Variants in HECW1 observed in about 807,000 individuals in gnomAD.
The protein encoded by HECW1 is E3 ubiquitin-protein ligase HECW1.
Under a neutral mutation model 182.3 loss-of-function variants are expected in HECW1, and 61 were observed. The ratio of observed to expected loss-of-function variants is 0.33; its 90% CI spans 0.27 to 0.41. The LOEUF is 0.41. Ranked by LOEUF, HECW1 falls within the 10% of genes least tolerant of loss-of-function variation. HECW1 has a pLI of 1.00. For missense variants in HECW1, 1,739 were observed against 2,108.9 expected, an observed-to-expected ratio of 0.82 and a Z score of 3.44; for synonymous variants, 859 against 832.6, an observed-to-expected ratio of 1.03 and a Z score of -0.55.
intron 2 of HECW1, among the ~76,000 whole-genome samples, chr7:43,177,793 A>G (rs1160892709): frequency 6.6e-6 from 1 of 151,964 alleles, no homozygotes; most frequent in Non-Finnish European, 1.5e-5. Flanking sequence ...TCCCATCTCA[A>G]TGCCTTCTCC....
At chr7:43,335,496 A>C (rs1812005242) in intron 5 of HECW1, among the ~76,000 whole-genome samples, 2 of 152,224 alleles carry the variant, frequency 1.3e-5, no homozygotes, top group African/African-American at 4.8e-5. Flanking sequence ...GCCATCTGCA[A>C]ACCAGGAAGA....
chr7:43,457,686 A>G (rs1385378098), intron 13 of HECW1, among the ~76,000 whole-genome samples: 2 of 152,026 alleles, frequency 1.3e-5, no homozygotes, highest in African/African-American at 4.8e-5. Context: ...GAGGCAGGAG[A>G]ATCGCTTGAA....
At position 43,564,279 on chromosome 7, in the gene HECW1, T is replaced by C. The variant is rs185769079; in HGVS notation, c.*2353T>C. 5.3e-6 allele frequency: 1 copy of C among 189,044 alleles called. No homozygotes were observed. Among genetic ancestry groups the C allele is most frequent in the East Asian group, 8.4e-5 (1 of 11,956 alleles). 11.7% of individuals were successfully genotyped at this position (189,044 alleles called of 1,614,324 possible). Reference sequence around the variant, plus strand: ...CTCATTAATTCAAGCACTCTCTTTCTAGTACTCACATTATTTGTCAGGCAT... The same window carrying C: ...CTCATTAATTCAAGCACTCTCTTTCCAGTACTCACATTATTTGTCAGGCAT... On this transcript the variant is annotated 3_prime_UTR_variant, in exon 30 of 30. Coordinates refer to ENST00000395891, the MANE Select transcript of HECW1 (RefSeq NM_015052.5).
At chr7:43,381,017 AT>A (rs780589002) in intron 6 of HECW1, among the ~76,000 whole-genome samples, 6 of 152,082 alleles carry the variant, frequency 3.9e-5, no homozygotes, top group Non-Finnish European at 7.4e-5. Context: ...TTGTCTTTTT[AT>A]TTTTAGTTGT....
intron 5 of HECW1, among the ~76,000 whole-genome samples, chr7:43,351,793 T>C (rs752422290): frequency 1.3e-5 from 2 of 151,924 alleles, no homozygotes; most frequent in Non-Finnish European, 2.9e-5. Context: ...CTTAGAATGA[T>C]GCTACTTTCC....
At chr7:43,363,637 A>T (rs1194089904) in intron 6 of HECW1, among the ~76,000 whole-genome samples, 2 of 152,162 alleles carry the variant, frequency 1.3e-5, no homozygotes, top group Non-Finnish European at 2.9e-5. Flanking sequence ...GAGTCCCTGG[A>T]GTCCCAGGGC....
chr7:43,311,506 G>C (rs1808494857), intron 3 of HECW1: 1 of 684,444 alleles, frequency 1.5e-6, no homozygotes. Context: ...AGAGCCGGGA[G>C]AGGCAGAGAC....
rs1784717860 is a variant in HECW1, at chr7:43,112,748, T to C, written c.-456T>C. On this transcript the variant is annotated 5_prime_UTR_variant, in exon 1 of 30. Coordinates refer to ENST00000395891, the MANE Select transcript of HECW1 (RefSeq NM_015052.5). ...CCGAGCCGCGCGCGCCCCTCCGCCGTGACAGTGGCCGTGGCCTCCGCTCTC... is the reference window on the plus strand; with the variant it reads ...CCGAGCCGCGCGCGCCCCTCCGCCGCGACAGTGGCCGTGGCCTCCGCTCTC... 4.3e-6 allele frequency: 1 copy of C among 230,392 alleles called. No individual in the cohort carries two copies. Among genetic ancestry groups the C allele is most frequent in the African/African-American group, 2.2e-5 (1 of 45,110 alleles). 14.3% of individuals were successfully genotyped at this position (230,392 alleles called of 1,614,324 possible).
intron 7 of HECW1, among the ~76,000 whole-genome samples, chr7:43,404,588 A>G (rs1170470314): frequency 2.6e-5 from 4 of 152,250 alleles, no homozygotes; most frequent in African/African-American, 9.6e-5. Context: ...GATAGAACAG[A>G]ACAAAGTGTA....
chr7:43,246,132 A>T (rs1441419414), intron 3 of HECW1, among the ~76,000 whole-genome samples: 1 of 130,478 alleles, frequency 7.7e-6, no homozygotes, highest in Non-Finnish European at 1.5e-5. Context: ...TCCCATTTCT[A>T]TGAAAAATAA....
At chr7:43,198,547 TC>T (rs1794717622) in intron 2 of HECW1, among the ~76,000 whole-genome samples, 2 of 140,574 alleles carry the variant, frequency 1.4e-5, no homozygotes, top group Admixed American at 7.0e-5. Flanking sequence ...CTCCACACTC[TC>T]ACACACCCTT....
In HECW1 at chr7:43,195,396, A is replaced by C. The variant is rs184603999; in HGVS notation, c.-31-48479A>C. Among the ~76,000 whole-genome samples, 195 of 152,304 alleles carry C rather than the reference A, an allele frequency of 1.3e-3. 1 individual carries two copies. Among genetic ancestry groups the C allele is most frequent in the African/African-American group, 4.4e-3 (183 of 41,566 alleles). On this transcript the variant is annotated intron_variant, in intron 2 of 29. Transcript: ENST00000395891. Reference sequence around the variant, plus strand: ...CACACAAAGGCATCTCCTGGGGGCCAGGCCCTGGGCAAGGCTGGCTGCCTC... The same window carrying C: ...CACACAAAGGCATCTCCTGGGGGCCCGGCCCTGGGCAAGGCTGGCTGCCTC...
At chr7:43,548,693 G>A (rs1030350010) in intron 26 of HECW1, among the ~76,000 whole-genome samples, 2 of 152,262 alleles carry the variant, frequency 1.3e-5, no homozygotes, top group South Asian at 2.1e-4. Context: ...TATAATCCTA[G>A]CACTTCAGGA....
chr7:43,315,910 C>CT lies in HECW1; in HGVS notation c.352+3829dup, dbSNP rs578109104. ...TTACTCTGAAAAATGGAAGCCATAT[C>CT]TTTTTTCTGATGGGTGTAGGAGACC... is the stretch of plus-strand genomic sequence containing the variant. On this transcript the variant is annotated intron_variant, in intron 4 of 29. Coordinates refer to ENST00000395891, the MANE Select transcript of HECW1 (RefSeq NM_015052.5). Among the ~76,000 whole-genome samples the CT allele has an allele frequency of 1.3e-3, 191 of 152,240 alleles. 1 individual carries two copies. The highest frequency in any genetic ancestry group is 4.3e-3 in the African/African-American group (179 of 41,550).
chr7:43,339,752 C>T (rs1014232436), intron 5 of HECW1, among the ~76,000 whole-genome samples: 1 of 152,098 alleles, frequency 6.6e-6, no homozygotes, highest in African/African-American at 2.4e-5. Flanking sequence ...AGGGGAGCTC[C>T]GCGGGGTGCA....
chr7:43,561,239 A>T (rs1162689667), intron 29 of HECW1, among the ~76,000 whole-genome samples: 1 of 152,188 alleles, frequency 6.6e-6, no homozygotes, highest in East Asian at 1.9e-4. Context: ...TCCAGAGAGG[A>T]CTGGCTCACA....
intron 19 of HECW1, among the ~76,000 whole-genome samples, chr7:43,496,804 G>C (rs1372930267): frequency 6.6e-6 from 1 of 152,148 alleles, no homozygotes; most frequent in Non-Finnish European, 1.5e-5. Context: ...TGTAGAGAAG[G>C]GGATGGAGCC....
intron 5 of HECW1, among the ~76,000 whole-genome samples, chr7:43,331,937 G>A (rs1584507216): frequency 6.6e-6 from 1 of 152,250 alleles, no homozygotes. Flanking sequence ...GAGTCAGTAG[G>A]CAACAGGATC....
At chr7:43,541,391 C>T in intron 25 of HECW1, 130 bp downstream of exon 25, 1 of 668,080 alleles carries the variant, frequency 1.5e-6, no homozygotes, top group Non-Finnish European at 2.7e-6. Flanking sequence ...ATGGTGGCTT[C>T]CTGTTCTGAG....
Sources: allele counts gnomAD v4.1 joint callset (sites outside exome capture counted in the v4.1 genomes callset), GRCh38; gene constraint gnomAD v4.1.1; transcripts MANE v1.5; gene names NCBI Gene and HGNC (gene_info 2026-07-23, HGNC 2026-07-21).